SLC30A8: variants seen among roughly 807,000 people sequenced by gnomAD.
SLC30A8 encodes the protein proton-coupled zinc antiporter SLC30A8.
Under a neutral mutation model 36.9 loss-of-function variants are expected in SLC30A8, and 27 were observed. The ratio of observed to expected loss-of-function variants is 0.73; its 90% confidence interval spans 0.54 to 1.01. The LOEUF (loss-of-function observed/expected upper bound fraction) is 1.01, where lower values mean the gene tolerates loss of function less well. Ranked by LOEUF, SLC30A8 falls within the 50% of genes least tolerant of loss-of-function variation. The pLI, the probability that SLC30A8 is intolerant of heterozygous loss-of-function variation, is 0.00. For missense variants in SLC30A8, 439 were observed against 452.0 expected, an observed-to-expected ratio of 0.97 and a Z score of 0.26; for synonymous variants, 164 against 172.4, an observed-to-expected ratio of 0.95 and a Z score of 0.38.
intron 1 of SLC30A8, among the ~76,000 whole-genome samples, chr8:117,142,791 A>G (rs1261912767): frequency 3.9e-5 from 6 of 152,124 alleles, no homozygotes; most frequent in Non-Finnish European, 8.8e-5. Flanking sequence ...ATCATACTAT[A>G]TAGCCTCTGT....
chr8:116,976,832 T>TCTTTTC (rs1815044505), intron 1 of SLC30A8, among the ~76,000 whole-genome samples: 2 of 147,774 alleles, frequency 1.4e-5, no homozygotes, highest in African/African-American at 5.3e-5. Flanking sequence ...CTTTTTTTTT[T>TCTTTTC]TTTTTTACAG....
At chr8:117,023,634 C>T (rs1816779609) in intron 1 of SLC30A8, among the ~76,000 whole-genome samples, 1 of 150,310 alleles carries the variant, frequency 6.7e-6, no homozygotes, top group South Asian at 2.1e-4. Context: ...AAAAACCAAA[C>T]ACCGCATGTT....
intron 2 of SLC30A8, among the ~76,000 whole-genome samples, chr8:117,151,015 A>G (rs1270083382): frequency 6.6e-6 from 1 of 151,734 alleles, no homozygotes; most frequent in East Asian, 1.9e-4. Flanking sequence ...TTGACATATA[A>G]TACCCCACAC....
intron 1 of SLC30A8, among the ~76,000 whole-genome samples, chr8:116,959,675 C>G (rs1227745189): frequency 6.6e-6 from 1 of 152,166 alleles, no homozygotes; most frequent in Non-Finnish European, 1.5e-5. Context: ...ATTTAGTCTA[C>G]TGTTAACTAT....
At chr8:117,167,771 C>T (rs1162861368) in intron 6 of SLC30A8, among the ~76,000 whole-genome samples, 1 of 152,060 alleles carries the variant, frequency 6.6e-6, no homozygotes, top group African/African-American at 2.4e-5. Context: ...ATATTTTTAG[C>T]ACTTGTATAT....
At chr8:117,115,083 A>G (rs927000544) in intron 2 of SLC30A8, among the ~76,000 whole-genome samples, 4 of 151,672 alleles carry the variant, frequency 2.6e-5, no homozygotes, top group Non-Finnish European at 4.4e-5. Flanking sequence ...TAATTTTTGA[A>G]TTTTATTTTT....
intron 2 of SLC30A8, among the ~76,000 whole-genome samples, chr8:117,107,976 A>G (rs1438240306): frequency 6.6e-6 from 1 of 152,210 alleles, no homozygotes; most frequent in Non-Finnish European, 1.5e-5. Context: ...GAAATATATA[A>G]CTAGTGAAGT....
chr8:117,015,596 A>G (rs1816491813), intron 1 of SLC30A8, among the ~76,000 whole-genome samples: 1 of 152,136 alleles, frequency 6.6e-6, no homozygotes, highest in South Asian at 2.1e-4. Context: ...TGTTTGTGAA[A>G]CAAGAAGGGG....
At chr8:117,040,961 G>A (rs772540096) in intron 2 of SLC30A8, among the ~76,000 whole-genome samples, 10 of 152,074 alleles carry the variant, frequency 6.6e-5, no homozygotes, top group Admixed American at 2.6e-4. Context: ...ATTTCTGTTA[G>A]GGGCTTTCTC....
intron 1 of SLC30A8, among the ~76,000 whole-genome samples, chr8:117,014,436 A>G (rs1816444161): frequency 6.6e-6 from 1 of 152,184 alleles, no homozygotes; most frequent in East Asian, 1.9e-4. Context: ...GTGAGTCCCT[A>G]TACCTTGATT....
At position 117,172,602 on chromosome 8, in the gene SLC30A8, T is replaced by C. The variant is rs1459420311; in HGVS notation, c.1031T>C (p.Met344Thr). 6.2e-7 allele frequency: 1 copy of C among 1,613,744 alleles called. No homozygotes were observed. Among genetic ancestry groups the C allele is most frequent in the Non-Finnish European group, 8.5e-7 (1 of 1,179,718 alleles). ...IAKALSKSFT[M>T]HSLTIQMESP... ...AAAGCCCTTAGCAAAAGCTTTACGA[T>C]GCACTCACTCACCATTCAGATGGAA... The change falls in exon 8 of 8, where the codon ATG (methionine) becomes ACG (threonine). Residue 344 changes from methionine to threonine, a missense_variant. Transcript: ENST00000456015.
chr8:117,152,394 G>T lies in SLC30A8; in HGVS notation c.272-550G>T, dbSNP rs531322344. ...TAGCACTGAGGACGCCCATTGGAAG[G>T]TACCTGCCCTTTCTCCTTTCTGCTC... On this transcript the variant is annotated intron_variant, in intron 2 of 7. Coordinates refer to ENST00000456015, the MANE Select transcript of SLC30A8 (RefSeq NM_173851.3). 5.3e-5 allele frequency among the ~76,000 whole-genome samples: 8 copies of T among 152,232 alleles called. No homozygotes were observed. The East Asian group carries it at 1.5e-3, about 29-fold the overall frequency.
intron 2 of SLC30A8, among the ~76,000 whole-genome samples, chr8:117,063,378 A>C (rs1485584396): frequency 6.6e-6 from 1 of 152,140 alleles, no homozygotes; most frequent in Admixed American, 6.6e-5. Context: ...CCACAGGAAT[A>C]AATCAGAAAT....
chr8:117,034,352 AC>A (rs1187682052), intron 1 of SLC30A8, among the ~76,000 whole-genome samples: 1 of 152,164 alleles, frequency 6.6e-6, no homozygotes, highest in Admixed American at 6.5e-5. Context: ...CATTGCACTT[AC>A]CATTTCCTCT....
exon 1 of SLC30A8, chr8:116,950,964 C>T (rs902556179): frequency 2.0e-5 from 3 of 152,204 alleles, no homozygotes; most frequent in African/African-American, 7.2e-5. Context: ...TAAGAAGCAT[C>T]AAGAAAGCCT....
intron 2 of SLC30A8, among the ~76,000 whole-genome samples, chr8:117,064,067 C>T (rs35650185): frequency 0.1 from 15,673 of 151,906 alleles, 956 homozygotes; most frequent in East Asian, 0.14. Flanking sequence ...ATGTGATCTC[C>T]ACTCACTGCA....
At chr8:116,982,986 A>G (rs2130646573) in intron 1 of SLC30A8, among the ~76,000 whole-genome samples, 1 of 152,272 alleles carries the variant, frequency 6.6e-6, no homozygotes, top group Admixed American at 6.5e-5. Context: ...TATAATCTCT[A>G]TACTCTGTCG....
intron 2 of SLC30A8, among the ~76,000 whole-genome samples, chr8:117,050,088 C>T (rs909235015): frequency 6.6e-6 from 1 of 152,184 alleles, no homozygotes; most frequent in African/African-American, 2.4e-5. Flanking sequence ...ACAGCATGCT[C>T]TCTTCCACAT....
chr8:117,115,868 A>G (rs146334651), intron 2 of SLC30A8, among the ~76,000 whole-genome samples: 7 of 152,124 alleles, frequency 4.6e-5, no homozygotes, highest in Non-Finnish European at 1.0e-4. Context: ...ATGCAAAGCC[A>G]TTGGAAGTGC....
Sources: allele counts gnomAD v4.1 joint callset (sites outside exome capture counted in the v4.1 genomes callset), GRCh38; gene constraint gnomAD v4.1.1; transcripts MANE v1.5; gene names NCBI Gene and HGNC (gene_info 2026-07-23, HGNC 2026-07-21).